The following ZNF596 variants were observed in gnomAD, a reference collection of about 807,000 sequenced individuals.
ZNF596 encodes the protein zinc finger protein 596.
Under a neutral mutation model 48.3 loss-of-function variants are expected in ZNF596, and 45 were observed. The ratio of observed to expected loss-of-function variants is 0.93; its 90% CI spans 0.73 to 1.19. ZNF596 has a LOEUF of 1.19. ZNF596 is among the 50% of genes most tolerant of loss of function. ZNF596 has a pLI of 0.00. For missense variants in ZNF596, 848 were observed against 599.7 expected (o/e 1.41, Z -4.32); for synonymous variants, 270 against 202.0 (o/e 1.34, Z -2.85).
In ZNF596 at chr8:245,347, A is replaced by G. The variant is rs777361080; in HGVS notation, c.500A>G (p.Tyr167Cys). ...HKEIHTKCKS[Y>C]GSHLFDYAFI... is the part of the protein sequence containing the mutation. ...GAAATTCACACCAAATGTAAATCAT[A>G]TGGAAGTCATCTATTTGATTATGCC... The change falls in exon 6 of 6, where the codon TAT becomes TGT. Residue 167 changes from tyrosine (Y) to cysteine (C), a missense_variant. Tyr to Cys is a radical substitution (Grantham distance 194, BLOSUM62 -2). Coordinates refer to ENST00000398612, the MANE Select transcript of ZNF596 (RefSeq NM_001042416.3). 1.9e-6 allele frequency: 3 copies of G among 1,614,140 alleles called. No homozygotes were observed. Among genetic ancestry groups the G allele is most frequent in the South Asian group, 2.2e-5 (2 of 91,084 alleles).
intron 3 of ZNF596, 134 bp downstream of exon 3, chr8:243,147 C>T: frequency 1.4e-6 from 1 of 695,034 alleles, no homozygotes; most frequent in Non-Finnish European, 2.1e-6. Flanking sequence ...TGCTTTGATC[C>T]TTTCATAACT....
At chr8:240,785 T>C in intron 1 of ZNF596, 39 bp from the exon 2 acceptor site, 3 of 1,343,842 alleles carry the variant, frequency 2.2e-6, no homozygotes, top group Non-Finnish European at 3.2e-6. Context: ...AAAACTGGAG[T>C]GTCATGGTTT....
rs1295155279 is a variant in ZNF596 at position 245,192 on chromosome 8, C to G, written c.345C>G (p.Asp115Glu). The G allele has an allele frequency of 3.1e-6, 5 of 1,608,086 alleles. No individual in the cohort carries two copies. The highest frequency in any genetic ancestry group is 4.3e-6 in the Non-Finnish European group (5 of 1,176,434). Residue 115 changes from aspartate to glutamate, a missense_variant, in exon 6 of 6, where the codon GAC becomes GAG. Transcript: ENST00000398612. Reference protein sequence around the residue: ...HTQEDPFLCNDLGEDFTQHIA... With the variant: ...HTQEDPFLCNELGEDFTQHIA... Reference sequence around the variant, plus strand: ...AAGAGGATCCTTTTCTATGCAATGACTTAGGAGAAGATTTCACTCAACATA... The same window carrying G: ...AAGAGGATCCTTTTCTATGCAATGAGTTAGGAGAAGATTTCACTCAACATA...
intron 2 of ZNF596, among the ~76,000 whole-genome samples, chr8:241,358 G>A (rs1016236687): frequency 1.3e-5 from 2 of 152,154 alleles, no homozygotes; most frequent in South Asian, 4.1e-4. Flanking sequence ...GGGGAGGGCT[G>A]TTTAACTTGA....
chr8:242,810 A>T lies in ZNF596; in HGVS notation c.13-77A>T, dbSNP rs1796907955. 4 of 1,346,112 alleles carry T rather than the reference A, an allele frequency of 3.0e-6. No homozygotes were observed. The Admixed American group carries it at 1.0e-4, about 35-fold the overall frequency. The allele number at this position is 1,346,112 out of a possible 1,614,324, so 83.4% of individuals were successfully genotyped here. A position where few individuals can be genotyped will look rare whatever the true frequency, so the allele number is the denominator to read the frequency against. ...TTCATACCACCCACACTTCCTTAGT[A>T]CAGTCACTTTGATCTTGCTCCACTG... is the stretch of plus-strand genomic sequence containing the variant. On this transcript the variant is annotated intron_variant, in intron 2 of 5. Transcript: ENST00000398612.
chr8:243,869 C>T (rs1796954921), intron 4 of ZNF596, 64 bp downstream of exon 4: 2 of 1,363,986 alleles, frequency 1.5e-6, no homozygotes, highest in Non-Finnish European at 2.1e-6. Flanking sequence ...GTGAGTAGGA[C>T]CCAACAGTTG....
chr8:235,781 A>C (rs1205137804), intron 1 of ZNF596, among the ~76,000 whole-genome samples: 9 of 152,148 alleles, frequency 5.9e-5, no homozygotes, highest in African/African-American at 2.2e-4. Context: ...TATATGATAA[A>C]ATATTATGTT....
intron 1 of ZNF596, among the ~76,000 whole-genome samples, chr8:233,847 G>C (rs1158339688): frequency 2.6e-5 from 4 of 152,198 alleles, no homozygotes; most frequent in Non-Finnish European, 5.9e-5. Flanking sequence ...TTACTTAAGA[G>C]TGTGACATAT....
At position 244,674 on chromosome 8, in the gene ZNF596, G is replaced by A. The variant is rs141732813; in HGVS notation, c.279G>A (p.Gln93=). 7.3e-5 allele frequency: 118 copies of A among 1,613,304 alleles called. 2 individuals are homozygous for A. In the Middle Eastern group the frequency reaches 8.3e-3, roughly 113 times the overall value. ...TACCATTCATTCAACATATCTATCA[G>A]AAGGGCACGTCCACCATCAGCACAA... The part of the protein sequence containing the change: ...QEIPFIQHIY[Q]KGTSTISTMR... Residue 93 remains glutamine (Q), a synonymous_variant, in exon 5 of 6, where the codon CAG becomes CAA. Transcript: ENST00000398612.
Position 245,152 on chromosome 8 carries a change from A to G in ZNF596, c.307-2A>G. ...AGTCTTTCATTTCATTCCCAAAACC[A>G]GAGATCTCATACTCAAGAGGATCCT... On this transcript the variant is annotated splice_acceptor_variant, in intron 5 of 5. Transcript: ENST00000398612. LOFTEE classifies it high-confidence loss of function. 6.4e-7 allele frequency: 1 copy of G among 1,568,764 alleles called. No individual in the cohort carries two copies. Among genetic ancestry groups the G allele is most frequent in the Non-Finnish European group, 8.6e-7 (1 of 1,159,566 alleles).
intron 1 of ZNF596, chr8:233,030 G>A (rs1485771893): frequency 4.3e-6 from 2 of 468,498 alleles, no homozygotes; most frequent in South Asian, 3.1e-5. Flanking sequence ...CTTCTTCATT[G>A]CCTCGCTGTG....
At chr8:244,814 G>A (rs1796997982) in intron 5 of ZNF596, 113 bp downstream of exon 5, 2 of 855,838 alleles carry the variant, frequency 2.3e-6, no homozygotes, top group Non-Finnish European at 3.7e-6. Context: ...AGCAGTTTTA[G>A]ATAGTTTGGA....
intron 1 of ZNF596, among the ~76,000 whole-genome samples, chr8:236,166 G>T (rs974530318): frequency 6.6e-6 from 1 of 151,970 alleles, no homozygotes; most frequent in Non-Finnish European, 1.5e-5. Flanking sequence ...ATTTCAAATC[G>T]TAGTCATAAT....
upstream of ZNF596, chr8:232,167 C>T (rs546633327): frequency 1.3e-5 from 2 of 152,524 alleles, no homozygotes; most frequent in African/African-American, 4.8e-5. Flanking sequence ...GGACCCACGG[C>T]ACACCGAACG....
In ZNF596 at chr8:245,737, A is replaced by G. The variant is rs763554631; in HGVS notation, c.890A>G (p.His297Arg). ...ACTCATTGCTCTGACCTTAGAAAAC[A>G]TGAGAGAACTCACTTAGGAGATAAA... ...AFTHCSDLRK[H>R]ERTHLGDKPY... Residue 297 changes from histidine (H) to arginine (R), a missense_variant, in exon 6 of 6, where the codon CAT becomes CGT. Physicochemically the swap from His to Arg is conservative, Grantham distance 29. Coordinates refer to ENST00000398612, the MANE Select transcript of ZNF596 (RefSeq NM_001042416.3). 1.1e-5 allele frequency: 17 copies of G among 1,614,066 alleles called. No homozygotes were observed. The highest frequency in any genetic ancestry group is 6.7e-5 in the Admixed American group (4 of 59,996).
chr8:234,390 T>A (rs1796542870), intron 1 of ZNF596: 1 of 152,174 alleles, frequency 6.6e-6, no homozygotes, highest in South Asian at 2.1e-4. Context: ...TCCTGGAGGT[T>A]CAGTGAAAAG....
chr8:242,268 A>T (rs1462369921), intron 2 of ZNF596, among the ~76,000 whole-genome samples: 1 of 148,276 alleles, frequency 6.7e-6, no homozygotes, highest in African/African-American at 2.7e-5. Flanking sequence ...TGTAGACATA[A>T]GAGGCTGCAT....
chr8:235,542 G>T (rs1347093218), intron 1 of ZNF596, among the ~76,000 whole-genome samples: 5 of 151,638 alleles, frequency 3.3e-5, no homozygotes, highest in Admixed American at 2.6e-4. Flanking sequence ...CAAAGTAATT[G>T]TGAGGCTGAA....
At chr8:232,845 C>A (rs1796466861) in intron 1 of ZNF596, 151 bp downstream of exon 1, 1 of 449,780 alleles carries the variant, frequency 2.2e-6, no homozygotes, top group Non-Finnish European at 4.6e-6. Flanking sequence ...CCGCAAACCC[C>A]ACGCTTCGGG....
Sources: allele counts gnomAD v4.1 joint callset (sites outside exome capture counted in the v4.1 genomes callset), GRCh38; gene constraint gnomAD v4.1.1; transcripts MANE v1.5; gene names NCBI Gene and HGNC (gene_info 2026-07-23, HGNC 2026-07-21).